OAS2: variants seen among roughly 807,000 people sequenced by gnomAD.
The protein encoded by OAS2 is 2'-5'-oligoadenylate synthetase 2.
Under a neutral mutation model 71.3 loss-of-function variants are expected in OAS2, and 67 were observed. That is an observed-to-expected ratio of 0.94 (90% CI 0.77 to 1.15). OAS2 has a LOEUF of 1.15. Among genes scored for constraint, OAS2 ranks in the 50% most tolerant of loss-of-function variants. The pLI, the probability that OAS2 is intolerant of heterozygous loss-of-function variation, is 0.00. For missense variants in OAS2, 789 were observed against 822.5 expected (o/e 0.96, Z 0.50); for synonymous variants, 327 against 321.8 (o/e 1.02, Z -0.17).
At position 112,980,271 on chromosome 12, in the gene OAS2, TCTAA is replaced by T. The variant is rs368024782; in HGVS notation, c.177+1490_177+1493del. 4.6e-4 allele frequency among the ~76,000 whole-genome samples: 70 copies of T among 152,348 alleles called. No homozygotes were observed. In the East Asian group the frequency reaches 8.3e-3, roughly 18 times the overall value. ...GTTGAGAACAGTTCAGATCTTCTCT[TCTAA>T]CTATTTTGAAATATATAATAAATTA... On this transcript the variant is annotated intron_variant, in intron 1 of 9. Transcript: ENST00000392583.
Position 112,978,804 on chromosome 12 carries a change from T to G in OAS2, c.177+19T>G, listed in dbSNP as rs182245386. The stretch of plus-strand genomic sequence containing the variant: ...GGCCATAGTGAGTCCAGGGCTGAGG[T>G]TGGGTCTCTGGGAGGCAGGAGATTC... On this transcript the variant is annotated intron_variant, in intron 1 of 9. Coordinates refer to ENST00000392583, the MANE Select transcript of OAS2 (RefSeq NM_002535.3). This position sits in a 1 kb window ranked among gnomAD's most constrained non-coding sequence, Gnocchi z 4.2. The G allele has an allele frequency of 1.3e-6, 2 of 1,589,820 alleles. No homozygotes were observed. The highest frequency in any genetic ancestry group is 1.7e-6 in the Non-Finnish European group (2 of 1,165,206).
In OAS2 at chr12:113,000,498, ACG is replaced by A. The variant is rs984417922; in HGVS notation, c.1008+2089_1008+2090del. ...TGCACACATACACACACACACACAC[ACG>A]TACATGCATACACAAACATGCACAC... On this transcript the variant is annotated intron_variant, in intron 5 of 9. Transcript: ENST00000392583. 9.9e-4 allele frequency among the ~76,000 whole-genome samples: 140 copies of A among 140,850 alleles called. 1 individual carries two copies. The highest frequency in any genetic ancestry group is 2.3e-3 in the African/African-American group (85 of 37,396). 92.4% of individuals were successfully genotyped at this position (140,850 alleles called of 152,430 possible).
chr12:112,993,302 G>C (rs1377244771), intron 2 of OAS2, among the ~76,000 whole-genome samples: 1 of 152,146 alleles, frequency 6.6e-6, no homozygotes, highest in East Asian at 1.9e-4. Context: ...CTATTTACTT[G>C]ACTGGCTGGT....
intron 5 of OAS2, 82 bp from the exon 6 acceptor site, chr12:113,002,850 G>A: frequency 1.5e-6 from 2 of 1,293,508 alleles, no homozygotes; most frequent in Non-Finnish European, 2.2e-6. Flanking sequence ...GGCAGGGTAG[G>A]GGGCCCAGTA....
In OAS2 at chr12:112,987,134, A is replaced by G. The variant is rs924354124; in HGVS notation, c.274A>G (p.Arg92Gly). 6.8e-6 allele frequency: 11 copies of G among 1,614,104 alleles called. No individual in the cohort carries two copies. In the Admixed American group the frequency reaches 1.3e-4, roughly 20 times the overall value. Residue 92 changes from arginine to glycine, a missense_variant, in exon 2 of 10, where the codon AGA (arginine) becomes GGA (glycine). Physicochemically the swap from Arg to Gly is moderately radical, Grantham distance 125. Coordinates refer to ENST00000392583, the MANE Select transcript of OAS2 (RefSeq NM_002535.3). ...CTTAAAACAATTCCAGGATCAGAAG[A>G]GAAGCCAACGTGACATCCTCGATAA... The part of the protein sequence containing the change: ...SDLKQFQDQK[R>G]SQRDILDKTG...
rs45575441 is a variant in OAS2, at chr12:113,009,437, T to C, written c.*182T>C. On this transcript the variant is annotated 3_prime_UTR_variant, in exon 10 of 10. Coordinates refer to ENST00000392583, the MANE Select transcript of OAS2 (RefSeq NM_002535.3). ...CCTCAGGCAGGTAACCCCAGATTCATGCACTGTAGGGTGCTGCGCAGCATC... is the reference window on the plus strand; with the variant it reads ...CCTCAGGCAGGTAACCCCAGATTCACGCACTGTAGGGTGCTGCGCAGCATC... 8.7e-3 allele frequency: 12,517 copies of C among 1,434,428 alleles called. 668 individuals carry two copies. The African/African-American group carries it at 0.13, about 15-fold the overall frequency. 88.9% of individuals were successfully genotyped at this position (1,434,428 alleles called of 1,614,324 possible). A position where few individuals can be genotyped will look rare whatever the true frequency, so the allele number is the denominator to read the frequency against.
chr12:113,000,864 A>G (rs534859432), intron 5 of OAS2, among the ~76,000 whole-genome samples: 13 of 152,384 alleles, frequency 8.5e-5, no homozygotes, highest in African/African-American at 2.4e-4. Context: ...TATAAGGCCA[A>G]CTTACAACAT....
Position 113,009,334 on chromosome 12 carries a change from T to C in OAS2, c.*79T>C, listed in dbSNP as rs113638217. ...CCTACTGTAGCAACCTGAAATTAAC[T>C]CAGACACAAATAAAGGAAACCCAGC... On this transcript the variant is annotated 3_prime_UTR_variant, in exon 10 of 10. Transcript: ENST00000392583. 1 of 1,557,060 alleles carries C rather than the reference T, an allele frequency of 6.4e-7. No individual in the cohort carries two copies. The highest frequency in any genetic ancestry group is 1.4e-5 in the African/African-American group (1 of 72,652).
chr12:112,989,879 C>T (rs907602957), intron 2 of OAS2, among the ~76,000 whole-genome samples: 6 of 152,152 alleles, frequency 3.9e-5, no homozygotes, highest in Admixed American at 3.3e-4. Flanking sequence ...TCCAGCTCCC[C>T]CACCTCCTCA....
At chr12:112,983,155 A>ATT (rs1246892999) in intron 1 of OAS2, among the ~76,000 whole-genome samples, 1 of 151,814 alleles carries the variant, frequency 6.6e-6, no homozygotes. Flanking sequence ...TTTAGCCTCT[A>ATT]TTATGTTTAG....
intron 2 of OAS2, among the ~76,000 whole-genome samples, chr12:112,989,173 T>C (rs111280479): frequency 0.09 from 13,717 of 152,262 alleles, 871 homozygotes; most frequent in Non-Finnish European, 0.14. Flanking sequence ...GCTGTTCTCA[T>C]GATAATGAAT....
intron 6 of OAS2, among the ~76,000 whole-genome samples, chr12:113,003,592 T>C (rs1842056604): frequency 6.6e-6 from 1 of 152,178 alleles, no homozygotes; most frequent in African/African-American, 2.4e-5. Flanking sequence ...TTGAACCCAC[T>C]GCAGATTCTA....
rs758397081 is a variant in OAS2 at position 113,010,344 on chromosome 12, T to C, written c.*1089T>C. On this transcript the variant is annotated 3_prime_UTR_variant, in exon 10 of 10. Coordinates refer to ENST00000392583, the MANE Select transcript of OAS2 (RefSeq NM_002535.3). ...CAATGATTGTAACTATTAGGAGACA[T>C]TGCTCTCCCACGTATGTTTTTCTTT... is the stretch of plus-strand genomic sequence containing the variant. 3 of 1,605,078 alleles carry C rather than the reference T, an allele frequency of 1.9e-6. No individual in the cohort carries two copies. Among genetic ancestry groups the C allele is most frequent in the Non-Finnish European group, 1.7e-6 (2 of 1,177,226 alleles).
intron 5 of OAS2, among the ~76,000 whole-genome samples, chr12:113,002,150 T>C (rs1379122164): frequency 1.3e-5 from 2 of 152,168 alleles, no homozygotes; most frequent in African/African-American, 4.8e-5. Flanking sequence ...AATTTACCCA[T>C]GTAAAACCCC....
At chr12:113,005,899 CAAA>C (rs2044327881) in intron 7 of OAS2, among the ~76,000 whole-genome samples, 1 of 6,564 alleles carries the variant, frequency 1.5e-4, no homozygotes, top group Non-Finnish European at 2.6e-4. Context: ...CTCAAAAAAG[CAAA>C]AAACAACAAC....
Position 113,010,470 on chromosome 12 carries a change from A to G in OAS2, c.*1215A>G, listed in dbSNP as rs1466558381. 7.4e-6 allele frequency: 12 copies of G among 1,613,504 alleles called. No homozygotes were observed. Among genetic ancestry groups the G allele is most frequent in the Non-Finnish European group, 1.0e-5 (12 of 1,179,866 alleles). ...CCATAGAATCCTGAATAATAATTCTAAAAGAAACTTCTAGAGATCATCTGG... is the reference window on the plus strand; with the variant it reads ...CCATAGAATCCTGAATAATAATTCTGAAAGAAACTTCTAGAGATCATCTGG... On this transcript the variant is annotated 3_prime_UTR_variant, in exon 10 of 10. Coordinates refer to ENST00000392583, the MANE Select transcript of OAS2 (RefSeq NM_002535.3).
chr12:112,990,608 C>T (rs1035293718), intron 2 of OAS2, among the ~76,000 whole-genome samples: 3 of 152,188 alleles, frequency 2.0e-5, no homozygotes, highest in Admixed American at 1.3e-4. Context: ...GGATTCTCCA[C>T]AGAATGTGAA....
In OAS2 at chr12:112,978,528, T is replaced by G; in HGVS notation, c.-81T>G. The G allele has an allele frequency of 6.7e-7, 1 of 1,502,656 alleles. No homozygotes were observed. The highest frequency in any genetic ancestry group is 2.3e-5 in the East Asian group (1 of 44,072). The allele number at this position is 1,502,656 out of a possible 1,614,324, so 93.1% of individuals were successfully genotyped here. A position where few individuals can be genotyped will look rare whatever the true frequency, so the allele number is the denominator to read the frequency against. On this transcript the variant is annotated 5_prime_UTR_variant, in exon 1 of 10. Transcript: ENST00000392583. This position sits in a 1 kb window ranked among gnomAD's most constrained non-coding sequence, Gnocchi z 4.2. ...GAGGCCTCTAGACTTCAGTTTCAGT[T>G]TCCTGGCTCTGGGCAGCAGCAAGAA... is the stretch of plus-strand genomic sequence containing the variant.
Position 113,010,385 on chromosome 12 carries a change from A to T in OAS2, c.*1130A>T. 6.2e-7 allele frequency: 1 copy of T among 1,613,792 alleles called. No homozygotes were observed. Among genetic ancestry groups the T allele is most frequent in the Non-Finnish European group, 8.5e-7 (1 of 1,179,840 alleles). ...GTTTTTCTTTTTAGACAATGCAGAC[A>T]CCAGGAAGTTGTGGAGCTAGGATCC... On this transcript the variant is annotated 3_prime_UTR_variant, in exon 10 of 10. Transcript: ENST00000392583.
Sources: gnomAD v4.1 joint callset for allele counts (sites outside exome capture counted in the v4.1 genomes callset) on GRCh38, gnomAD v4.1.1 for gene constraint, Gnocchi (gnomAD v3.1) non-coding constraint, MANE v1.5 for transcripts, NCBI Gene and HGNC (gene_info 2026-07-23, HGNC 2026-07-21) for gene names.